SDK2: variants seen among roughly 807,000 people sequenced by gnomAD.
The protein encoded by SDK2 is protein sidekick-2.
SDK2 carries 105 observed loss-of-function variants against 253.9 expected under a neutral mutation model. The ratio of observed to expected loss-of-function variants is 0.41; its 90% CI spans 0.35 to 0.49. The LOEUF is 0.49. SDK2 is among the 20% of genes least tolerant of loss of function. The pLI is 0.06. For synonymous variants in SDK2, 1,249 were observed against 1,234.9 expected (o/e 1.01, Z -0.24); for missense variants, 2,608 against 3,003.0 (o/e 0.87, Z 3.07).
chr17:73,412,004 A>ATG (rs1568389107), intron 18 of SDK2, among the ~76,000 whole-genome samples: 37 of 131,306 alleles, frequency 2.8e-4, no homozygotes, highest in African/African-American at 6.0e-4. Flanking sequence ...ATACACACAT[A>ATG]TATATGTAGA....
intron 15 of SDK2, among the ~76,000 whole-genome samples, chr17:73,419,857 C>G (rs1446395874): frequency 2.0e-5 from 3 of 150,278 alleles, no homozygotes; most frequent in African/African-American, 7.4e-5. Flanking sequence ...GAACTACAGC[C>G]TGGGAAACAG....
At chr17:73,526,961 A>C (rs956782432) in intron 1 of SDK2, among the ~76,000 whole-genome samples, 1 of 152,254 alleles carries the variant, frequency 6.6e-6, no homozygotes, top group African/African-American at 2.4e-5. Context: ...CCCTGGCAAC[A>C]CAAAGAGGTG....
At chr17:73,630,484 C>T (rs2046255118) in intron 1 of SDK2, among the ~76,000 whole-genome samples, 1 of 151,842 alleles carries the variant, frequency 6.6e-6, no homozygotes, top group Non-Finnish European at 1.5e-5. Flanking sequence ...CTCCTCAACC[C>T]CCAGGTTCCC....
rs547584528 is a variant in SDK2 at position 73,570,172 on chromosome 17, C to T, written c.65-62575G>A. Reference sequence around the variant, plus strand: ...ACTGCTGAGCTTGGTGGACACAGGGCGACCACCCCAGGGGCCCAGCCTTGC... The same window carrying T: ...ACTGCTGAGCTTGGTGGACACAGGGTGACCACCCCAGGGGCCCAGCCTTGC... On this transcript the variant is annotated intron_variant, in intron 1 of 44. Transcript: ENST00000392650. This position sits in a 1 kb window ranked among gnomAD's most constrained non-coding sequence, Gnocchi z 4.2. Among the ~76,000 whole-genome samples the T allele has an allele frequency of 4.4e-4, 67 of 152,168 alleles. No individual in the cohort carries two copies. Among genetic ancestry groups the T allele is most frequent in the African/African-American group, 1.0e-3 (43 of 41,516 alleles).
chr17:73,355,159 C>CATATATAT (rs1555750469), intron 40 of SDK2, among the ~76,000 whole-genome samples: 13 of 48,610 alleles, frequency 2.7e-4, no homozygotes, highest in East Asian at 1.4e-3. Context: ...CCTACACCTC[C>CATATATAT]ATATATATAT....
chr17:73,365,177 A>C, intron 38 of SDK2, 81 bp downstream of exon 38: 1 of 1,039,432 alleles, frequency 9.6e-7, no homozygotes, highest in South Asian at 1.8e-5. Flanking sequence ...ACTCATGTGT[A>C]GTGGCTGTGA....
At position 73,547,379 on chromosome 17, in the gene SDK2, G is replaced by A. The variant is rs79564328; in HGVS notation, c.65-39782C>T. On this transcript the variant is annotated intron_variant, in intron 1 of 44. Coordinates refer to ENST00000392650, the MANE Select transcript of SDK2 (RefSeq NM_001144952.2). ...GCAGCCTTTGATTTACTGAAGACAC[G>A]GAGGCTTTGGGCTTGGATTGGGTAA... Among the ~76,000 whole-genome samples the A allele has an allele frequency of 7.2e-5, 11 of 152,340 alleles. No individual in the cohort carries two copies. The East Asian group carries it at 1.5e-3, about 21-fold the overall frequency.
chr17:73,555,579 C>T (rs8075002), intron 1 of SDK2, among the ~76,000 whole-genome samples: 35,851 of 152,198 alleles, frequency 0.24, 4,654 homozygotes, highest in East Asian at 0.48. Context: ...TCCCTGCCAT[C>T]AGGCAAGAAT....
At chr17:73,510,871 A>G (rs1397985142) in intron 1 of SDK2, among the ~76,000 whole-genome samples, 1 of 152,178 alleles carries the variant, frequency 6.6e-6, no homozygotes, top group East Asian at 1.9e-4. Context: ...CGTCAGGTGA[A>G]CGCAGCGTCT....
intron 1 of SDK2, among the ~76,000 whole-genome samples, chr17:73,621,744 A>G (rs2046135740): frequency 6.6e-6 from 1 of 152,142 alleles, no homozygotes; most frequent in South Asian, 2.1e-4. Flanking sequence ...ATATATATCC[A>G]TAGAAATTAC....
chr17:73,339,660 C>T (rs1008313910), intron 44 of SDK2, among the ~76,000 whole-genome samples: 3 of 151,322 alleles, frequency 2.0e-5, no homozygotes, highest in African/African-American at 7.3e-5. Flanking sequence ...CTCAAGCTAT[C>T]CTCCCATGTC....
intron 1 of SDK2, among the ~76,000 whole-genome samples, chr17:73,532,558 A>G (rs867625627): frequency 1.2e-4 from 19 of 152,204 alleles, no homozygotes; most frequent in Admixed American, 6.5e-4. Context: ...GGCGGATGCA[A>G]CCAATTTAGC....
intron 15 of SDK2, 122 bp from the exon 16 acceptor site, chr17:73,419,428 A>T: frequency 3.7e-6 from 4 of 1,081,298 alleles, no homozygotes; most frequent in Non-Finnish European, 5.3e-6. Flanking sequence ...TGCTGTGTGC[A>T]TCTGGGCAAG....
chr17:73,369,379 A>T (rs1294077576), intron 36 of SDK2, among the ~76,000 whole-genome samples: 1 of 152,234 alleles, frequency 6.6e-6, no homozygotes, highest in Non-Finnish European at 1.5e-5. Flanking sequence ...GTTAACAGGA[A>T]CAAGGCCCGC....
chr17:73,461,138 G>T (rs1000166050), intron 3 of SDK2, among the ~76,000 whole-genome samples: 3 of 152,220 alleles, frequency 2.0e-5, no homozygotes, highest in African/African-American at 7.2e-5. Flanking sequence ...TAGATGCTAA[G>T]CCTTGAGAGG....
intron 18 of SDK2, among the ~76,000 whole-genome samples, chr17:73,410,581 T>C (rs948845494): frequency 6.6e-6 from 1 of 152,188 alleles, no homozygotes; most frequent in Non-Finnish European, 1.5e-5. Flanking sequence ...CCTCCCAAAG[T>C]GCTAGGATTC....
At position 73,352,086 on chromosome 17, in the gene SDK2, C is replaced by T. The variant is rs917987682; in HGVS notation, c.5758+387G>A. Among the ~76,000 whole-genome samples, 1 of 152,092 alleles carries T rather than the reference C, an allele frequency of 6.6e-6. No homozygotes were observed. The highest frequency in any genetic ancestry group is 1.5e-5 in the Non-Finnish European group (1 of 68,004). Reference sequence around the variant, plus strand: ...GGCCTAAGGCCCACCTGTGTCTCTGCTGCTCTGCAGGCTGCTGACCCTGCC... The same window carrying T: ...GGCCTAAGGCCCACCTGTGTCTCTGTTGCTCTGCAGGCTGCTGACCCTGCC... On this transcript the variant is annotated intron_variant, in intron 41 of 44. Coordinates refer to ENST00000392650, the MANE Select transcript of SDK2 (RefSeq NM_001144952.2). This position sits in a 1 kb window ranked among gnomAD's most constrained non-coding sequence, Gnocchi z 4.1.
At chr17:73,340,734 GTTTTTTTTT>G (rs10638504) in intron 44 of SDK2, among the ~76,000 whole-genome samples, 1,091 of 77,560 alleles carry the variant, frequency 0.014, 20 homozygotes, top group Non-Finnish European at 0.019. Context: ...AAACCTTAAA[GTTTTTTTTT>G]TTTTTTTTTT....
chr17:73,522,378 A>G lies in SDK2; in HGVS notation c.65-14781T>C, dbSNP rs768450562. Among the ~76,000 whole-genome samples, 126 of 152,286 alleles carry G rather than the reference A, an allele frequency of 8.3e-4. 1 individual carries two copies. The highest frequency in any genetic ancestry group is 2.3e-3 in the South Asian group (11 of 4,820). ...GCATTCCCAGACAACAGCCTGGCCC[A>G]CCTGCTTGGGGAAGCAGAGGAGTCT... is the stretch of plus-strand genomic sequence containing the variant. On this transcript the variant is annotated intron_variant, in intron 1 of 44. Transcript: ENST00000392650.
Sources: allele counts gnomAD v4.1 joint callset (sites outside exome capture counted in the v4.1 genomes callset), GRCh38; gene constraint gnomAD v4.1.1; non-coding constraint Gnocchi (gnomAD v3.1); transcripts MANE v1.5; gene names NCBI Gene and HGNC (gene_info 2026-07-23, HGNC 2026-07-21).